The following IMMP2L variants were observed in gnomAD, a reference collection of about 807,000 sequenced individuals.
The protein encoded by IMMP2L is inner mitochondrial membrane peptidase subunit 2, also known as mitochondrial inner membrane protease subunit 2.
IMMP2L carries 18 observed loss-of-function variants against 19.3 expected under a neutral mutation model. That is an observed-to-expected ratio of 0.93 (90% CI 0.64 to 1.38). The LOEUF (loss-of-function observed/expected upper bound fraction) is 1.38. Among genes scored for constraint, IMMP2L ranks in the 40% most tolerant of loss-of-function variants. The pLI, the probability that IMMP2L is intolerant of heterozygous loss-of-function variation, is 0.00. For missense variants in IMMP2L, 233 were observed against 218.2 expected, an observed-to-expected ratio of 1.07 and a Z score of -0.43; for synonymous variants, 76 against 73.0, an observed-to-expected ratio of 1.04 and a Z score of -0.21.
intron 5 of IMMP2L, among the ~76,000 whole-genome samples, chr7:110,721,275 T>C (rs1024800326): frequency 6.6e-6 from 1 of 152,066 alleles, no homozygotes; most frequent in Non-Finnish European, 1.5e-5. Flanking sequence ...TTGTTCAGGG[T>C]TGTTGCAAGG....
At chr7:110,903,434 G>A (rs999083563) in intron 4 of IMMP2L, among the ~76,000 whole-genome samples, 2 of 151,990 alleles carry the variant, frequency 1.3e-5, no homozygotes, top group Non-Finnish European at 2.9e-5. Flanking sequence ...TAAACTCCTG[G>A]CAACCACCAT....
At chr7:110,780,110 C>T (rs1486427107) in intron 5 of IMMP2L, among the ~76,000 whole-genome samples, 1 of 151,474 alleles carries the variant, frequency 6.6e-6, no homozygotes, top group Non-Finnish European at 1.5e-5. Context: ...ATGTGGCTCG[C>T]TTAGGTAAGA....
In IMMP2L at chr7:110,672,711, T is replaced by C. The variant is rs1792006272; in HGVS notation, c.409-8990A>G. On this transcript the variant is annotated intron_variant, in intron 5 of 5. Transcript: ENST00000405709. Reference sequence around the variant, plus strand: ...CTACAGGCCCCATGCAAGTCTGAAATCCAGTAGGGTAGTCATTAAACCTTA... The same window carrying C: ...CTACAGGCCCCATGCAAGTCTGAAACCCAGTAGGGTAGTCATTAAACCTTA... Among the ~76,000 whole-genome samples, 2 of 152,162 alleles carry C rather than the reference T, an allele frequency of 1.3e-5. 1 individual carries two copies. Among genetic ancestry groups the C allele is most frequent in the Non-Finnish European group, 2.9e-5 (2 of 68,024 alleles).
rs578142945 is a variant in IMMP2L at position 110,806,047 on chromosome 7, G to A, written c.408+80546C>T. On this transcript the variant is annotated intron_variant, in intron 5 of 5. Transcript: ENST00000405709. ...ATCAATAAGTGGACCAGTTATCTTT[G>A]TTCCATTCTTAGGCCAAAGACTGCA... is the stretch of plus-strand genomic sequence containing the variant. Among the ~76,000 whole-genome samples, 7 of 152,086 alleles carry A rather than the reference G, an allele frequency of 4.6e-5. No homozygotes were observed. The South Asian group carries it at 1.5e-3, about 32-fold the overall frequency.
intron 3 of IMMP2L, among the ~76,000 whole-genome samples, chr7:111,480,373 C>G (rs369005400): frequency 5.9e-5 from 9 of 152,032 alleles, no homozygotes; most frequent in African/African-American, 2.2e-4. Context: ...AGCCACTGTT[C>G]CCGGCCAAGG....
At chr7:110,979,639 T>C (rs905860644) in intron 3 of IMMP2L, among the ~76,000 whole-genome samples, 2 of 151,444 alleles carry the variant, frequency 1.3e-5, no homozygotes, top group African/African-American at 4.9e-5. Flanking sequence ...CCCTAGAACT[T>C]AAAGTATAAT....
chr7:111,271,083 C>G (rs1055303735), intron 3 of IMMP2L, among the ~76,000 whole-genome samples: 9 of 152,096 alleles, frequency 5.9e-5, no homozygotes, highest in African/African-American at 2.2e-4. Flanking sequence ...ATCACGGGGA[C>G]AGTTACCCTC....
chr7:110,980,097 C>T (rs753094274), intron 3 of IMMP2L, among the ~76,000 whole-genome samples: 51 of 150,718 alleles, frequency 3.4e-4, no homozygotes, highest in Non-Finnish European at 5.5e-4. Context: ...CCTTTCATTT[C>T]GGAAATTTAT....
At chr7:111,293,712 A>G (rs1420499970) in intron 3 of IMMP2L, among the ~76,000 whole-genome samples, 1 of 151,946 alleles carries the variant, frequency 6.6e-6, no homozygotes, top group Non-Finnish European at 1.5e-5. Flanking sequence ...ATAAGAGGAG[A>G]GCTAACATGC....
chr7:111,227,025 TAAAG>T (rs1813182213), intron 3 of IMMP2L, among the ~76,000 whole-genome samples: 1 of 152,012 alleles, frequency 6.6e-6, no homozygotes, highest in Non-Finnish European at 1.5e-5. Flanking sequence ...GGAAACAAGA[TAAAG>T]AAAGAAGGCA....
At chr7:111,054,959 AG>A (rs1335798963) in intron 3 of IMMP2L, among the ~76,000 whole-genome samples, 3 of 152,176 alleles carry the variant, frequency 2.0e-5, no homozygotes, top group Non-Finnish European at 4.4e-5. Context: ...GAAACAAAAT[AG>A]TTGGGCTGGC....
At chr7:111,059,310 T>C (rs1793799195) in intron 3 of IMMP2L, among the ~76,000 whole-genome samples, 1 of 152,164 alleles carries the variant, frequency 6.6e-6, no homozygotes, top group Admixed American at 6.5e-5. Flanking sequence ...GGTAGATAAG[T>C]AGGCAGTACC....
intron 3 of IMMP2L, among the ~76,000 whole-genome samples, chr7:111,252,621 C>A (rs188150850): frequency 3.3e-4 from 50 of 152,230 alleles, no homozygotes; most frequent in Admixed American, 2.4e-3. Flanking sequence ...TCCAAGACTG[C>A]ATTAGGTTTG....
chr7:110,855,925 T>C (rs2131557838), intron 5 of IMMP2L, among the ~76,000 whole-genome samples: 1 of 152,144 alleles, frequency 6.6e-6, no homozygotes, highest in East Asian at 1.9e-4. Flanking sequence ...ATAGGAACAC[T>C]AATAATCAAT....
chr7:111,013,393 A>T (rs1277896981), intron 3 of IMMP2L, among the ~76,000 whole-genome samples: 1 of 152,184 alleles, frequency 6.6e-6, no homozygotes, highest in East Asian at 1.9e-4. Context: ...AGTCTTGCAC[A>T]AGGAAAGTAG....
At chr7:111,203,569 CTTTTTTTT>C (rs199683002) in intron 3 of IMMP2L, among the ~76,000 whole-genome samples, 1 of 127,818 alleles carries the variant, frequency 7.8e-6, no homozygotes, top group Non-Finnish European at 1.6e-5. Context: ...TATACTGGTT[CTTTTTTTT>C]TTTTTTTTTC....
intron 3 of IMMP2L, among the ~76,000 whole-genome samples, chr7:111,011,691 C>A (rs1443406440): frequency 6.6e-6 from 1 of 152,128 alleles, no homozygotes; most frequent in African/African-American, 2.4e-5. Context: ...AAGACGGCAA[C>A]AACTGACAAG....
intron 3 of IMMP2L, among the ~76,000 whole-genome samples, chr7:111,297,169 A>G (rs1220181084): frequency 6.6e-6 from 1 of 152,060 alleles, no homozygotes; most frequent in African/African-American, 2.4e-5. Context: ...TACAAATGTG[A>G]CAAATTCCAT....
At chr7:110,943,978 G>T (rs1405840395) in intron 4 of IMMP2L, among the ~76,000 whole-genome samples, 4 of 151,964 alleles carry the variant, frequency 2.6e-5, no homozygotes, top group African/African-American at 7.2e-5. Flanking sequence ...AAGATAAGGA[G>T]TTGGGATTGG....
Sources: gnomAD v4.1 joint callset for allele counts (sites outside exome capture counted in the v4.1 genomes callset) on GRCh38, gnomAD v4.1.1 for gene constraint, MANE v1.5 for transcripts, NCBI Gene and HGNC (gene_info 2026-07-23, HGNC 2026-07-21) for gene names.